SLC14A2: variants seen among roughly 807,000 people sequenced by gnomAD.
SLC14A2 encodes the protein urea transporter 2.
SLC14A2 carries 91 observed loss-of-function variants against 104.6 expected under a neutral mutation model. The ratio of observed to expected loss-of-function variants is 0.87; its 90% CI spans 0.73 to 1.04. SLC14A2 has a LOEUF of 1.04. Ranked by LOEUF, SLC14A2 falls within the 50% of genes least tolerant of loss-of-function variation. The pLI is 0.00. For missense variants in SLC14A2, 1,189 were observed against 1,156.0 expected (o/e 1.03, Z -0.41); for synonymous variants, 476 against 466.4 (o/e 1.02, Z -0.27).
chr18:45,330,669 G>A (rs1359123812), intron 1 of SLC14A2, among the ~76,000 whole-genome samples: 1 of 152,198 alleles, frequency 6.6e-6, no homozygotes, highest in Non-Finnish European at 1.5e-5. Flanking sequence ...TGGATGTGAT[G>A]CACCCAGGCA....
intron 4 of SLC14A2, 27 bp from the exon 5 acceptor site, chr18:45,632,323 T>G: frequency 6.2e-7 from 1 of 1,605,462 alleles, no homozygotes; most frequent in Non-Finnish European, 8.5e-7. Flanking sequence ...CAACTTCAAA[T>G]GCAAAATCAG....
At chr18:45,661,071 C>T (rs917910770) in intron 10 of SLC14A2, among the ~76,000 whole-genome samples, 1 of 152,196 alleles carries the variant, frequency 6.6e-6, no homozygotes, top group Non-Finnish European at 1.5e-5. Context: ...GGGCCATCAA[C>T]TCTAGGAACA....
At chr18:45,417,376 C>G (rs2086289170) in intron 1 of SLC14A2, among the ~76,000 whole-genome samples, 1 of 152,152 alleles carries the variant, frequency 6.6e-6, no homozygotes, top group East Asian at 1.9e-4. Context: ...CTGCCCAAGA[C>G]TGGGTAATTT....
chr18:45,661,654 G>C (rs1175760625), intron 10 of SLC14A2, among the ~76,000 whole-genome samples: 1 of 152,212 alleles, frequency 6.6e-6, no homozygotes, highest in Admixed American at 6.5e-5. Flanking sequence ...GGATTACCAA[G>C]GGGATGACTA....
At chr18:45,501,659 C>T (rs940713802) in intron 2 of SLC14A2, among the ~76,000 whole-genome samples, 21 of 152,024 alleles carry the variant, frequency 1.4e-4, no homozygotes. Flanking sequence ...TTTAGAGTAC[C>T]CAGAACACAG....
At chr18:45,324,454 A>T (rs1333144764) in intron 1 of SLC14A2, among the ~76,000 whole-genome samples, 17 of 152,190 alleles carry the variant, frequency 1.1e-4, no homozygotes, top group Non-Finnish European at 2.9e-5. Context: ...ACAAGAAGTC[A>T]GGAAAGTTGA....
intron 1 of SLC14A2, among the ~76,000 whole-genome samples, chr18:45,341,560 C>T (rs1417581822): frequency 1.3e-5 from 2 of 151,468 alleles, no homozygotes; most frequent in Non-Finnish European, 1.5e-5. Context: ...TTTAAATGGC[C>T]CCCAAGCCTA....
chr18:45,189,107 T>C, the SLC14A2 span, among the ~76,000 whole-genome samples: 5 of 152,192 alleles, frequency 3.3e-5, no homozygotes, highest in Non-Finnish European at 7.3e-5. Flanking sequence ...AAACAACTGA[T>C]TTATGTAAAA....
chr18:45,404,044 G>A (rs1598762800), intron 1 of SLC14A2, among the ~76,000 whole-genome samples: 1 of 152,128 alleles, frequency 6.6e-6, no homozygotes, highest in African/African-American at 2.4e-5. Context: ...CCCACTGCCT[G>A]GAAGGAACCC....
Position 45,438,676 on chromosome 18 carries a change from G to A in SLC14A2, c.-124-44557G>A, listed in dbSNP as rs13380974. On this transcript the variant is annotated intron_variant, in intron 1 of 20. Coordinates refer to the SLC14A2 transcript ENST00000586448. ...AACTGTGAATGAATTGTGTCCCTCA[G>A]AAAGGAAACCAGGAATAAAAATATC... Among the ~76,000 whole-genome samples the A allele has an allele frequency of 3.9e-5, 6 of 152,304 alleles. No homozygotes were observed. The South Asian group carries it at 1.2e-3, about 32-fold the overall frequency.
At chr18:45,459,802 T>C (rs1414968686) in intron 1 of SLC14A2, among the ~76,000 whole-genome samples, 1 of 152,226 alleles carries the variant, frequency 6.6e-6, no homozygotes, top group Admixed American at 6.5e-5. Flanking sequence ...AGCATCCCCA[T>C]TTATAAGAAC....
At chr18:45,485,993 A>T (rs1185928118) in intron 2 of SLC14A2, among the ~76,000 whole-genome samples, 1 of 152,146 alleles carries the variant, frequency 6.6e-6, no homozygotes, top group Non-Finnish European at 1.5e-5. Flanking sequence ...CAAGTGGATG[A>T]TGTTCACCCT....
chr18:45,401,789 G>T (rs1454344603), intron 1 of SLC14A2, among the ~76,000 whole-genome samples: 1 of 152,194 alleles, frequency 6.6e-6, no homozygotes, highest in African/African-American at 2.4e-5. Flanking sequence ...AATGGTAGAA[G>T]ATGTAGGAAA....
rs1438299944 is a variant in SLC14A2 at position 45,673,047 on chromosome 18, G to A, written c.2377G>A (p.Ala793Thr). 7.4e-6 allele frequency: 12 copies of A among 1,613,578 alleles called. No individual in the cohort carries two copies. The highest frequency in any genetic ancestry group is 9.3e-6 in the Non-Finnish European group (11 of 1,179,752). The part of the protein sequence containing the change: ...AIGSTMGMLA[A>T]LTIATPFDSI... ...TGGATCCACCATGGGGATGCTAGCA[G>A]GTCTGTGTCCTCACTTCCCTGGGCT... Residue 793 changes from alanine to threonine, a missense_variant and splice_region_variant, in exon 17 of 20, where the codon GCA becomes ACA. Ala to Thr is a moderately conservative substitution (Grantham distance 58, BLOSUM62 0). Transcript: ENST00000255226.
At chr18:45,265,260 T>C (rs1360154424) in intron 1 of SLC14A2, among the ~76,000 whole-genome samples, 3 of 152,212 alleles carry the variant, frequency 2.0e-5, no homozygotes, top group African/African-American at 2.4e-5. Context: ...AATTAGACTT[T>C]TTCCTAACTA....
intron 2 of SLC14A2, among the ~76,000 whole-genome samples, chr18:45,503,486 G>T (rs1426328350): frequency 6.6e-6 from 1 of 151,998 alleles, no homozygotes; most frequent in African/African-American, 2.4e-5. Flanking sequence ...TCCCTTTTCT[G>T]TTTGCCATTG....
chr18:45,631,715 G>A (rs1442240968), intron 4 of SLC14A2, among the ~76,000 whole-genome samples: 1 of 152,168 alleles, frequency 6.6e-6, no homozygotes, highest in African/African-American at 2.4e-5. Context: ...TCAACTTCCT[G>A]GGCTCAAGTG....
intron 1 of SLC14A2, among the ~76,000 whole-genome samples, chr18:45,320,572 C>A (rs1422317536): frequency 6.6e-6 from 1 of 152,110 alleles, no homozygotes; most frequent in Non-Finnish European, 1.5e-5. Flanking sequence ...ATTGCACTGA[C>A]CTTGCCTTGT....
Position 45,402,281 on chromosome 18 carries a change from G to A in SLC14A2, c.-124-80952G>A, listed in dbSNP as rs989099739. ...TTTCTCTTTGTAATTGTCTATAAAAGATTATTGTCTGCATTTTATTTAATT... is the reference window on the plus strand; with the variant it reads ...TTTCTCTTTGTAATTGTCTATAAAAAATTATTGTCTGCATTTTATTTAATT... On this transcript the variant is annotated intron_variant, in intron 1 of 20. Transcript: ENST00000586448. Among the ~76,000 whole-genome samples, 40 of 152,154 alleles carry A rather than the reference G, an allele frequency of 2.6e-4. 2 individuals are homozygous for A. The South Asian group carries it at 2.7e-3, about 10-fold the overall frequency.
Sources: allele counts gnomAD v4.1 joint callset (sites outside exome capture counted in the v4.1 genomes callset), GRCh38; gene constraint gnomAD v4.1.1; transcripts MANE v1.5; gene names NCBI Gene and HGNC (gene_info 2026-07-23, HGNC 2026-07-21).